The following CYP2E1 variants were observed in gnomAD, a reference collection of about 807,000 sequenced individuals.
CYP2E1 encodes the protein cytochrome P450 family 2 subfamily E member 1.
Under a neutral mutation model 42.9 loss-of-function variants are expected in CYP2E1, and 31 were observed. That is an observed-to-expected ratio of 0.72 (90% CI 0.54 to 0.98). The LOEUF (loss-of-function observed/expected upper bound fraction) is 0.98, where lower values mean the gene tolerates loss of function less well. CYP2E1 is among the 50% of genes least tolerant of loss of function. The probability of loss-of-function intolerance (pLI) is 0.00; values close to 1 mark genes in which losing one functional copy is unlikely to be tolerated. For missense variants in CYP2E1, 565 were observed against 633.2 expected, an observed-to-expected ratio of 0.89 and a Z score of 1.16; for synonymous variants, 244 against 248.9, an observed-to-expected ratio of 0.98 and a Z score of 0.19.
chr10:133,527,548 G>A lies in CYP2E1; in HGVS notation c.153G>A (p.Lys51=), dbSNP rs1279999043. 6.2e-7 allele frequency: 1 copy of A among 1,612,714 alleles called. No individual in the cohort carries two copies. The highest frequency in any genetic ancestry group is 8.5e-7 in the Non-Finnish European group (1 of 1,179,472). ...GGAACCTCTTCCAGTTGGAATTGAA[G>A]AATATTCCCAAGTCCTTCACCCGGG... ...IIGNLFQLEL[K]NIPKSFTRLA... is the part of the protein sequence containing the mutation. Residue 51 remains lysine (K), a synonymous_variant, in exon 1 of 9, where the codon AAG becomes AAA. Transcript: ENST00000252945.
Position 133,528,481 on chromosome 10 carries a change from T to G in CYP2E1, c.178T>G (p.Leu60Val). 6.2e-7 allele frequency: 1 copy of G among 1,612,690 alleles called. No individual in the cohort carries two copies. The highest frequency in any genetic ancestry group is 1.7e-5 in the Admixed American group (1 of 60,002). Reference protein sequence around the residue: ...LKNIPKSFTRLAQRFGPVFTL... With the variant: ...LKNIPKSFTRVAQRFGPVFTL... ...GACTTCTAGCCACGGGTCTCCGCAGTTGGCCCAGCGCTTCGGGCCGGTGTT... is the reference window on the plus strand; with the variant it reads ...GACTTCTAGCCACGGGTCTCCGCAGGTGGCCCAGCGCTTCGGGCCGGTGTT... Residue 60 changes from leucine (L) to valine (V), a missense_variant and splice_region_variant, in exon 2 of 9, where the codon TTG becomes GTG. Physicochemically the swap from Leu to Val is conservative, Grantham distance 32. Coordinates refer to ENST00000252945, the MANE Select transcript of CYP2E1 (RefSeq NM_000773.4).
intron 6 of CYP2E1, among the ~76,000 whole-genome samples, chr10:133,535,329 A>G (rs1851383958): frequency 6.6e-6 from 1 of 150,978 alleles, no homozygotes; most frequent in Non-Finnish European, 1.5e-5. Flanking sequence ...AGCAAGAATC[A>G]GTCTAAAAAA....
chr10:133,528,704 C>G (rs1432050911), intron 2 of CYP2E1, 64 bp downstream of exon 2: 13 of 1,580,454 alleles, frequency 8.2e-6, no homozygotes, highest in South Asian at 1.1e-5. Flanking sequence ...GTTACGGGCG[C>G]TAGCCACGTC....
In CYP2E1 at chr10:133,532,686, C is replaced by T. The variant is rs976187322; in HGVS notation, c.649-6C>T. Reference sequence around the variant, plus strand: ...AAAGTAGTAAAATATTTTTTTCCCTCTCTAGCTTTACAATAATTTTCCCAG... The same window carrying T: ...AAAGTAGTAAAATATTTTTTTCCCTTTCTAGCTTTACAATAATTTTCCCAG... On this transcript the variant is annotated splice_polypyrimidine_tract_variant and splice_region_variant and intron_variant, in intron 4 of 8. Transcript: ENST00000252945. 1.9e-6 allele frequency: 3 copies of T among 1,583,262 alleles called. No homozygotes were observed. The highest frequency in any genetic ancestry group is 1.7e-4 in the Middle Eastern group (1 of 5,886).
In CYP2E1 at chr10:133,537,212, A is replaced by C; in HGVS notation, c.1117A>C (p.Thr373Pro). 6.2e-7 allele frequency: 1 copy of C among 1,614,000 alleles called. No individual in the cohort carries two copies. The highest frequency in any genetic ancestry group is 8.5e-7 in the Non-Finnish European group (1 of 1,179,950). Reference sequence around the variant, plus strand: ...GCCCTCCAACCTGCCCCATGAAGCAACCCGAGACACCATTTTCAGAGGATA... The same window carrying C: ...GCCCTCCAACCTGCCCCATGAAGCACCCCGAGACACCATTTTCAGAGGATA... ...LVPSNLPHEATRDTIFRGYLI... is the reference protein window; with the variant it reads ...LVPSNLPHEAPRDTIFRGYLI... Residue 373 changes from threonine to proline, a missense_variant, in exon 7 of 9, where the codon ACC (threonine) becomes CCC (proline). Thr to Pro is a conservative substitution (Grantham distance 38). Transcript: ENST00000252945.
intron 2 of CYP2E1, among the ~76,000 whole-genome samples, chr10:133,529,649 G>A (rs1212672903): frequency 6.6e-6 from 1 of 152,260 alleles, no homozygotes; most frequent in Non-Finnish European, 1.5e-5. Flanking sequence ...TAAATGAGCT[G>A]ATAAAGAACG....
intron 2 of CYP2E1, 157 bp from the exon 3 acceptor site, chr10:133,531,428 C>T: frequency 2.2e-6 from 2 of 894,282 alleles, no homozygotes; most frequent in South Asian, 3.0e-5. Flanking sequence ...CTGGCAGCTC[C>T]CAGGCTGGGA....
At chr10:133,535,000 G>A (rs1161030080) in intron 6 of CYP2E1, among the ~76,000 whole-genome samples, 1 of 151,898 alleles carries the variant, frequency 6.6e-6, no homozygotes, top group Admixed American at 6.6e-5. Flanking sequence ...AAGTAACTGG[G>A]CCACAGGTGC....
At chr10:133,528,954 C>T (rs1057302217) in intron 2 of CYP2E1, among the ~76,000 whole-genome samples, 3 of 152,158 alleles carry the variant, frequency 2.0e-5, no homozygotes, top group East Asian at 3.9e-4. Context: ...AGGCTCCTCC[C>T]GGGAGCGCTT....
chr10:133,530,461 C>G (rs532686642), intron 2 of CYP2E1, among the ~76,000 whole-genome samples: 1 of 152,264 alleles, frequency 6.6e-6, no homozygotes, highest in South Asian at 2.1e-4. Context: ...AACCCTCAGT[C>G]CAGCTGCACC....
intron 6 of CYP2E1, among the ~76,000 whole-genome samples, chr10:133,534,199 T>C (rs1214692195): frequency 6.6e-6 from 1 of 152,102 alleles, no homozygotes; most frequent in Non-Finnish European, 1.5e-5. Flanking sequence ...AATAACCTCT[T>C]TATGACAGAG....
At position 133,533,801 on chromosome 10, in the gene CYP2E1, G is replaced by A. The variant is rs771160948; in HGVS notation, c.871G>A (p.Val291Met). 21 of 1,614,040 alleles carry A rather than the reference G, an allele frequency of 1.3e-5. No homozygotes were observed. The highest frequency in any genetic ancestry group is 2.2e-5 in the East Asian group (1 of 44,898). Residue 291 changes from valine (V) to methionine (M), a missense_variant, in exon 6 of 9, where the codon GTG becomes ATG. Transcript: ENST00000252945. ...CTTGTACACAATGGACGGTATCACC[G>A]TGACTGTGGCCGACCTGTTCTTTGC... Reference protein sequence around the residue: ...ERLYTMDGITVTVADLFFAGT... With the variant: ...ERLYTMDGITMTVADLFFAGT...
rs1041844199 is a variant in CYP2E1 at position 133,538,912 on chromosome 10, G to A, written c.1430G>A (p.Gly477Glu). ...ATCGACCTCAGCCCTATACATATTG[G>A]GTTTGGCTGTATCCCACCACGTTAC... ...KDIDLSPIHI[G>E]FGCIPPRYKL... The change falls in exon 9 of 9, where the codon GGG (glycine) becomes GAG (glutamate). Residue 477 changes from glycine to glutamate, a missense_variant. By Grantham distance (98) the Gly-to-Glu change is moderately conservative. Coordinates refer to ENST00000252945, the MANE Select transcript of CYP2E1 (RefSeq NM_000773.4). 6.2e-7 allele frequency: 1 copy of A among 1,613,902 alleles called. No individual in the cohort carries two copies.
Position 133,532,157 on chromosome 10 carries a change from G to T in CYP2E1, c.521G>T (p.Cys174Phe). 1.9e-6 allele frequency: 3 copies of T among 1,613,940 alleles called. No individual in the cohort carries two copies. The highest frequency in any genetic ancestry group is 1.7e-6 in the Non-Finnish European group (2 of 1,179,986). ...TTCGACCCCACCTTCCTCATCGGCTGCGCGCCCTGCAACGTCATAGCCGAC... is the reference window on the plus strand; with the variant it reads ...TTCGACCCCACCTTCCTCATCGGCTTCGCGCCCTGCAACGTCATAGCCGAC... ...QPFDPTFLIG[C>F]APCNVIADIL... is the part of the protein sequence containing the mutation. Residue 174 changes from cysteine (C) to phenylalanine (F), a missense_variant, in exon 4 of 9, where the codon TGC becomes TTC. Physicochemically the swap from Cys to Phe is radical, Grantham distance 205. Transcript: ENST00000252945.
intron 6 of CYP2E1, 88 bp from the exon 7 acceptor site, chr10:133,536,975 C>T (rs951113549): frequency 3.3e-5 from 14 of 423,846 alleles, no homozygotes; most frequent in Middle Eastern, 1.3e-3. Flanking sequence ...TGGATAAAAG[C>T]GTGATTGAAT....
intron 6 of CYP2E1, among the ~76,000 whole-genome samples, chr10:133,534,848 C>T (rs963965180): frequency 1.4e-5 from 2 of 144,216 alleles, no homozygotes; most frequent in African/African-American, 2.6e-5. Context: ...TTTCCTTCTT[C>T]TTCTTCTTTT....
intron 8 of CYP2E1, 24 bp downstream of exon 8, chr10:133,537,916 C>T: frequency 6.2e-7 from 1 of 1,608,498 alleles, no homozygotes; most frequent in Non-Finnish European, 8.5e-7. Flanking sequence ...GAGGCAGTAC[C>T]TTCCCTTGAG....
rs1226501986 is a variant in CYP2E1, at chr10:133,539,036, A to G, written c.*72A>G. 1 of 1,243,426 alleles carries G rather than the reference A, an allele frequency of 8.0e-7. No homozygotes were observed. Among genetic ancestry groups the G allele is most frequent in the Non-Finnish European group, 1.1e-6 (1 of 901,700 alleles). 77.0% of individuals were successfully genotyped at this position (1,243,426 alleles called of 1,614,324 possible). On this transcript the variant is annotated 3_prime_UTR_variant, in exon 9 of 9. Coordinates refer to ENST00000252945, the MANE Select transcript of CYP2E1 (RefSeq NM_000773.4). ...AATTGTTTGAGGTCAGGATTTCTCA[A>G]ACTGATTCCTTTCTTTGCATATGAG...
chr10:133,528,065 G>A (rs893777242), intron 1 of CYP2E1: 1 of 231,012 alleles, frequency 4.3e-6, no homozygotes, highest in Non-Finnish European at 8.5e-6. Flanking sequence ...GCTCTTGCGC[G>A]TGCGCTCTGT....
Sources: gnomAD v4.1 joint callset for allele counts (sites outside exome capture counted in the v4.1 genomes callset) on GRCh38, gnomAD v4.1.1 for gene constraint, MANE v1.5 for transcripts, NCBI Gene and HGNC (gene_info 2026-07-23, HGNC 2026-07-21) for gene names.